The following SGCD variants were observed in gnomAD, a reference collection of about 807,000 sequenced individuals.
SGCD encodes the protein sarcoglycan delta.
Under a neutral mutation model 36.6 loss-of-function variants are expected in SGCD, and 18 were observed. The ratio of observed to expected loss-of-function variants is 0.49; its 90% CI spans 0.34 to 0.73. SGCD has a LOEUF of 0.73. Ranked by LOEUF, SGCD falls within the 30% of genes least tolerant of loss-of-function variation. The pLI is 0.01. For missense variants in SGCD, 387 were observed against 346.7 expected, an observed-to-expected ratio of 1.12 and a Z score of -0.92; for synonymous variants, 133 against 130.6, an observed-to-expected ratio of 1.02 and a Z score of -0.12.
intron 1 of SGCD, among the ~76,000 whole-genome samples, chr5:156,078,589 T>A (rs1471690825): frequency 7.7e-6 from 1 of 129,468 alleles, no homozygotes. Flanking sequence ...TTATATATAT[T>A]TATATTTATA....
intron 4 of SGCD, among the ~76,000 whole-genome samples, chr5:156,577,221 T>C (rs892327128): frequency 3.3e-5 from 5 of 152,168 alleles, no homozygotes; most frequent in Non-Finnish European, 7.4e-5. Context: ...AAAGATCAGA[T>C]GGTTGTAGAT....
chr5:155,749,484 G>T, the SGCD span, among the ~76,000 whole-genome samples: 5 of 152,142 alleles, frequency 3.3e-5, no homozygotes, highest in Admixed American at 1.3e-4. Flanking sequence ...ATTGTTATTG[G>T]CCCTATAATC....
intron 1 of SGCD, among the ~76,000 whole-genome samples, chr5:155,886,580 G>A (rs753370640): frequency 2.0e-4 from 31 of 152,280 alleles, no homozygotes; most frequent in Admixed American, 9.8e-4. Context: ...TAAGTAAGTC[G>A]TGGACTGGGC....
At chr5:155,786,290 A>G in the SGCD span, among the ~76,000 whole-genome samples, 4 of 152,186 alleles carry the variant, frequency 2.6e-5, no homozygotes, top group African/African-American at 9.6e-5. Context: ...ATGCTTTTAC[A>G]TGCTTAGAAT....
chr5:156,241,251 CGTGTGT>C (rs60843726), intron 3 of SGCD, among the ~76,000 whole-genome samples: 114 of 145,170 alleles, frequency 7.9e-4, no homozygotes, highest in Middle Eastern at 7.4e-3. Flanking sequence ...TAGACCAAAA[CGTGTGT>C]GTGTGTGTGT....
In SGCD at chr5:156,053,616, G is replaced by A. The variant is rs770759093; in HGVS notation, c.-281-64262G>A. Among the ~76,000 whole-genome samples the A allele has an allele frequency of 7.5e-4, 110 of 146,314 alleles. 16 individuals are homozygous for A. The highest frequency in any genetic ancestry group is 3.4e-3 in the Middle Eastern group (1 of 298). The stretch of plus-strand genomic sequence containing the variant: ...GCTCTTGTGTGATTCCCCTGGCCAT[G>A]TGCCTATGAAGCCAGCCTTAACTTT... On this transcript the variant is annotated intron_variant, in intron 1 of 9. Transcript: ENST00000517913.
At chr5:156,070,532 C>T (rs1359309891) in intron 1 of SGCD, among the ~76,000 whole-genome samples, 2 of 150,596 alleles carry the variant, frequency 1.3e-5, no homozygotes, top group Non-Finnish European at 2.9e-5. Context: ...ATTTGGTTTG[C>T]CAGTATTTTA....
chr5:156,070,736 A>G (rs1760522045), intron 1 of SGCD, among the ~76,000 whole-genome samples: 1 of 152,144 alleles, frequency 6.6e-6, no homozygotes. Flanking sequence ...CTCTGGTAGA[A>G]TTCGGCTGTG....
intron 3 of SGCD, among the ~76,000 whole-genome samples, chr5:156,139,728 T>G (rs1160898746): frequency 1.3e-5 from 2 of 152,196 alleles, no homozygotes; most frequent in African/African-American, 4.8e-5. Flanking sequence ...AAATGACTAT[T>G]GAACTTAGGA....
the SGCD span, among the ~76,000 whole-genome samples, chr5:155,761,818 T>C: frequency 6.9e-6 from 1 of 145,534 alleles, no homozygotes; most frequent in Non-Finnish European, 1.5e-5. Flanking sequence ...CCATCAACCT[T>C]TCCATCACCT....
chr5:156,422,511 C>A (rs974477112), intron 3 of SGCD, among the ~76,000 whole-genome samples: 2 of 152,008 alleles, frequency 1.3e-5, no homozygotes, highest in African/African-American at 4.8e-5. Context: ...ACTTGAAATG[C>A]AGAAGGATTC....
At chr5:155,934,869 C>T (rs946214646) in intron 1 of SGCD, among the ~76,000 whole-genome samples, 3 of 152,116 alleles carry the variant, frequency 2.0e-5, no homozygotes, top group African/African-American at 4.8e-5. Context: ...AATGACATGA[C>T]GAAGTTGGGA....
At chr5:155,864,325 A>C in the SGCD span, among the ~76,000 whole-genome samples, 2 of 152,140 alleles carry the variant, frequency 1.3e-5, no homozygotes, top group Non-Finnish European at 2.9e-5. Flanking sequence ...CTAGCCACAA[A>C]GATAGGGGAA....
At position 155,884,948 on chromosome 5, in the gene SGCD, A is replaced by C. The variant is rs1490960378; in HGVS notation, c.-282+14524A>C. ...ATAACTGCCATGACATGTTTTGTGT[A>C]AGTATTTTCTCTGTAACCTTTGTCA... is the stretch of plus-strand genomic sequence containing the variant. On this transcript the variant is annotated intron_variant, in intron 1 of 9. Coordinates refer to the SGCD transcript ENST00000517913. Among the ~76,000 whole-genome samples the C allele has an allele frequency of 1.7e-5, 2 of 117,380 alleles. 1 individual carries two copies. Among genetic ancestry groups the C allele is most frequent in the African/African-American group, 8.6e-5 (2 of 23,252 alleles). 77.0% of individuals were successfully genotyped at this position (117,380 alleles called of 152,430 possible). A position where few individuals can be genotyped will look rare whatever the true frequency, so the allele number is the denominator to read the frequency against.
intron 1 of SGCD, among the ~76,000 whole-genome samples, chr5:156,076,097 A>G (rs76045519): frequency 0.026 from 3,998 of 151,850 alleles, 178 homozygotes; most frequent in African/African-American, 0.092. Context: ...GAGACTGCCT[A>G]CTATCTCGCG....
chr5:156,588,854 T>C (rs1449433648), intron 4 of SGCD, among the ~76,000 whole-genome samples: 1 of 152,184 alleles, frequency 6.6e-6, no homozygotes, highest in East Asian at 1.9e-4. Context: ...AAGGATGACA[T>C]TAGGAGATTA....
the SGCD span, among the ~76,000 whole-genome samples, chr5:155,785,789 ATATT>A: frequency 6.6e-6 from 1 of 152,218 alleles, no homozygotes; most frequent in African/African-American, 2.4e-5. Context: ...GTACTTTAGT[ATATT>A]TATATATAAA....
At chr5:156,015,936 T>C (rs912523565) in intron 1 of SGCD, among the ~76,000 whole-genome samples, 5 of 151,140 alleles carry the variant, frequency 3.3e-5, no homozygotes, top group African/African-American at 1.2e-4. Context: ...ATATCATTCA[T>C]TCATTTCAAA....
the SGCD span, among the ~76,000 whole-genome samples, chr5:155,854,089 A>G: frequency 6.6e-6 from 1 of 152,204 alleles, no homozygotes; most frequent in East Asian, 1.9e-4. Flanking sequence ...CAACAGAAAC[A>G]TTATTGTTTA....
Sources: gnomAD v4.1 joint callset for allele counts (sites outside exome capture counted in the v4.1 genomes callset) on GRCh38, gnomAD v4.1.1 for gene constraint, MANE v1.5 for transcripts, NCBI Gene and HGNC (gene_info 2026-07-23, HGNC 2026-07-21) for gene names.